The following CFAP141 variants were observed in gnomAD, a reference collection of about 807,000 sequenced individuals.
CFAP141 encodes cilia- and flagella-associated protein 141.
the CFAP141 span, among the ~76,000 whole-genome samples, chr1:154,203,220 TATA>T: frequency 1.5e-5 from 1 of 68,476 alleles, no homozygotes; most frequent in South Asian, 4.3e-4. Context: ...TATATATATA[TATA>T]TATATATATA....
the CFAP141 span, chr1:154,199,340 T>C: frequency 3.6e-6 from 3 of 827,592 alleles, no homozygotes; most frequent in Admixed American, 2.4e-5. Context: ...CAGGTATGTT[T>C]TGGGAAGGAG....
the CFAP141 span, chr1:154,200,402 G>A: frequency 8.9e-6 from 14 of 1,579,218 alleles, no homozygotes; most frequent in Non-Finnish European, 1.2e-5. Context: ...AAAACTCAAT[G>A]GGCAAAGGCA....
chr1:154,200,657 AGAGT>A, the CFAP141 span: 2 of 1,470,010 alleles, frequency 1.4e-6, no homozygotes, highest in East Asian at 2.3e-5. Context: ...AAAAACCCAT[AGAGT>A]GAGGCTGTTT....
chr1:154,205,947 C>A, the CFAP141 span, among the ~76,000 whole-genome samples: 3 of 152,156 alleles, frequency 2.0e-5, no homozygotes, highest in Non-Finnish European at 4.4e-5. Context: ...AGGTGATCCG[C>A]CCACCTCAGC....
the CFAP141 span, chr1:154,205,598 C>G: frequency 1.9e-6 from 3 of 1,613,966 alleles, no homozygotes; most frequent in Non-Finnish European, 2.5e-6. Context: ...AGCAGATTAC[C>G]TGTCGACCGT....
the CFAP141 span, among the ~76,000 whole-genome samples, chr1:154,205,146 A>G: frequency 6.6e-6 from 1 of 151,824 alleles, no homozygotes; most frequent in Non-Finnish European, 1.5e-5. Flanking sequence ...AGCCTCCCAA[A>G]GTGCTAGGAT....
chr1:154,205,423 T>C, the CFAP141 span, among the ~76,000 whole-genome samples: 184 of 152,304 alleles, frequency 1.2e-3, 1 homozygote, highest in African/African-American at 4.3e-3. Context: ...TAGTAGGCAC[T>C]AAGAGGCTGA....
the CFAP141 span, chr1:154,200,511 A>G: frequency 6.2e-7 from 1 of 1,614,094 alleles, no homozygotes; most frequent in African/African-American, 1.3e-5. Context: ...GGTGTCCTGC[A>G]TCCTTAGGGT....
the CFAP141 span, among the ~76,000 whole-genome samples, chr1:154,204,971 T>G: frequency 1.3e-5 from 2 of 150,780 alleles, no homozygotes; most frequent in African/African-American, 4.9e-5. Flanking sequence ...ACCCTCCGCA[T>G]CCTAAGTTCA....
the CFAP141 span, chr1:154,199,568 G>T: frequency 8.1e-7 from 1 of 1,230,306 alleles, no homozygotes; most frequent in Non-Finnish European, 1.2e-6. Flanking sequence ...GTTTGCCTCT[G>T]TTTACCACCC....
chr1:154,200,425 G>A, the CFAP141 span: 1 of 1,611,296 alleles, frequency 6.2e-7, no homozygotes, highest in Non-Finnish European at 8.5e-7. Context: ...CAGCAGTAGT[G>A]AATGAGACTT....
the CFAP141 span, among the ~76,000 whole-genome samples, chr1:154,203,154 G>T: frequency 1.5e-5 from 1 of 68,628 alleles, no homozygotes; most frequent in African/African-American, 4.9e-5. Context: ...AAAAAAAGTT[G>T]TTATCTCTGA....
At chr1:154,205,709 C>CTTTT in the CFAP141 span, 1 of 1,147,354 alleles carries the variant, frequency 8.7e-7, no homozygotes, top group South Asian at 1.4e-5. Context: ...AGACATAGAC[C>CTTTT]TTTTTTTTTT....
chr1:154,201,081 A>G, the CFAP141 span, among the ~76,000 whole-genome samples: 1 of 152,098 alleles, frequency 6.6e-6, no homozygotes, highest in Non-Finnish European at 1.5e-5. Context: ...TAAGTACATA[A>G]TATCATTTAA....
the CFAP141 span, among the ~76,000 whole-genome samples, chr1:154,202,430 A>T: frequency 1.3e-5 from 2 of 152,210 alleles, no homozygotes; most frequent in Admixed American, 6.6e-5. Flanking sequence ...ATGCATGTAC[A>T]TATATCTACT....
At chr1:154,199,920 A>G in the CFAP141 span, among the ~76,000 whole-genome samples, 2 of 152,144 alleles carry the variant, frequency 1.3e-5, no homozygotes, top group Non-Finnish European at 2.9e-5. Context: ...GTTGTAGCCC[A>G]GGCTGGAGTG....
At chr1:154,200,584 G>T in the CFAP141 span, 1 of 1,613,944 alleles carries the variant, frequency 6.2e-7, no homozygotes, top group Non-Finnish European at 8.5e-7. Context: ...TGTGAATTTC[G>T]CCACCTGCTC....
chr1:154,201,673 C>T, the CFAP141 span, among the ~76,000 whole-genome samples: 1 of 152,134 alleles, frequency 6.6e-6, no homozygotes, highest in Non-Finnish European at 1.5e-5. Context: ...CAGGTATGAG[C>T]CACCGCGCCT....
chr1:154,199,822 C>A, the CFAP141 span, among the ~76,000 whole-genome samples: 2 of 152,056 alleles, frequency 1.3e-5, no homozygotes, highest in African/African-American at 4.8e-5. Flanking sequence ...AGTGGGGACC[C>A]CGGGAGAGAG....
Sources: allele counts gnomAD v4.1 joint callset (sites outside exome capture counted in the v4.1 genomes callset), GRCh38; gene constraint gnomAD v4.1.1; transcripts MANE v1.5; gene names NCBI Gene and HGNC (gene_info 2026-07-23, HGNC 2026-07-21).